ARHGEF33: variants seen among roughly 807,000 people sequenced by gnomAD.
ARHGEF33 encodes DH and coiled-coil domain-containing protein ENSP00000381780.
ARHGEF33 carries 72 observed loss-of-function variants against 101.9 expected under a neutral mutation model. That is an observed-to-expected ratio of 0.71 (90% CI 0.58 to 0.86). The LOEUF (loss-of-function observed/expected upper bound fraction) is 0.86. Ranked by LOEUF, ARHGEF33 falls within the 40% of genes least tolerant of loss-of-function variation. ARHGEF33 has a pLI of 0.00. For synonymous variants in ARHGEF33, 499 were observed against 442.5 expected, an observed-to-expected ratio of 1.13 and a Z score of -1.60; for missense variants, 1,169 against 1,111.3, an observed-to-expected ratio of 1.05 and a Z score of -0.74.
At chr2:38,890,516 G>A (rs1053952722) in intron 1 of ARHGEF33, among the ~76,000 whole-genome samples, 2 of 152,260 alleles carry the variant, frequency 1.3e-5, no homozygotes, top group East Asian at 1.9e-4. Context: ...TTACATGGGG[G>A]CTTTATTGGT....
intron 4 of ARHGEF33, among the ~76,000 whole-genome samples, chr2:38,927,908 C>T (rs780096904): frequency 8.5e-5 from 13 of 152,112 alleles, no homozygotes; most frequent in African/African-American, 2.7e-4. Flanking sequence ...ATAAATACAA[C>T]GAACTTTAGA....
intron 9 of ARHGEF33, 108 bp downstream of exon 9, chr2:38,937,667 G>T (rs1162998405): frequency 8.8e-6 from 6 of 684,256 alleles, no homozygotes; most frequent in Non-Finnish European, 1.3e-5. Context: ...GGACACATGA[G>T]GCCACCTAGT....
At chr2:38,956,754 A>T in intron 13 of ARHGEF33, 145 bp from the exon 14 acceptor site, 2 of 989,058 alleles carry the variant, frequency 2.0e-6, no homozygotes, top group Non-Finnish European at 2.9e-6. Context: ...TTCAGCGTAT[A>T]ATTAGATGGG....
chr2:38,902,990 A>G (rs1201562073), intron 2 of ARHGEF33, among the ~76,000 whole-genome samples: 1 of 152,120 alleles, frequency 6.6e-6, no homozygotes, highest in Non-Finnish European at 1.5e-5. Context: ...GTAGTAGGAT[A>G]TTGTAAATTT....
At chr2:38,949,082 G>A (rs1322493685) in intron 10 of ARHGEF33, among the ~76,000 whole-genome samples, 3 of 152,048 alleles carry the variant, frequency 2.0e-5, no homozygotes, top group Non-Finnish European at 4.4e-5. Context: ...CCCTATTCTC[G>A]TGTTTGTGTG....
chr2:38,969,945 C>G (rs1668129437), intron 17 of ARHGEF33, among the ~76,000 whole-genome samples: 1 of 152,186 alleles, frequency 6.6e-6, no homozygotes, highest in South Asian at 2.1e-4. Flanking sequence ...GATACTTCAT[C>G]TTAATATATA....
At position 38,937,410 on chromosome 2, in the gene ARHGEF33, A is replaced by G; in HGVS notation, c.641A>G (p.His214Arg). 1 of 1,522,528 alleles carries G rather than the reference A, an allele frequency of 6.6e-7. No individual in the cohort carries two copies. The highest frequency in any genetic ancestry group is 1.2e-5 in the South Asian group (1 of 83,458). The allele number at this position is 1,522,528 out of a possible 1,614,324, so 94.3% of individuals were successfully genotyped here. A position where few individuals can be genotyped will look rare whatever the true frequency, so the allele number is the denominator to read the frequency against. The part of the protein sequence containing the change: ...CLSADIQSKG[H>R]LPSGMWRQPK... ...TCGGCTGATATCCAGTCCAAGGGCC[A>G]TCTCCCATCTGGCATGTGGAGGCAG... Residue 214 changes from histidine (H) to arginine (R), a missense_variant, in exon 9 of 18, where the codon CAT becomes CGT. Coordinates refer to ENST00000409978, the MANE Select transcript of ARHGEF33 (RefSeq NM_001145451.5).
At chr2:38,946,608 CCT>C (rs1558438227) in intron 10 of ARHGEF33, among the ~76,000 whole-genome samples, 3 of 151,458 alleles carry the variant, frequency 2.0e-5, no homozygotes, top group Non-Finnish European at 4.4e-5. Flanking sequence ...TTTCCTGAAA[CCT>C]CTGTGTGTAC....
chr2:38,937,488 A>T lies in ARHGEF33; in HGVS notation c.719A>T (p.Asp240Val), dbSNP rs1205297220. Residue 240 changes from aspartate to valine, a missense_variant, in exon 9 of 18, where the codon GAT (aspartate) becomes GTT (valine). By Grantham distance (152) the Asp-to-Val change is radical. Coordinates refer to ENST00000409978, the MANE Select transcript of ARHGEF33 (RefSeq NM_001145451.5). ...GAATACGTCACAAAAGACCACCCAG[A>T]TAAACTCAAGGAGGCTGGCCAGGGT... is the stretch of plus-strand genomic sequence containing the variant. ...GEEYVTKDHP[D>V]KLKEAGQGRH... The T allele has an allele frequency of 3.9e-6, 6 of 1,551,242 alleles. No homozygotes were observed. The highest frequency in any genetic ancestry group is 8.7e-7 in the Non-Finnish European group (1 of 1,146,738).
At chr2:38,959,740 C>G in intron 15 of ARHGEF33, 101 bp from the exon 16 acceptor site, 11 of 1,303,142 alleles carry the variant, frequency 8.4e-6, no homozygotes, top group Non-Finnish European at 1.1e-5. Flanking sequence ...GTGGCATGCA[C>G]AGGCGCCTCG....
chr2:38,950,449 T>TTTTATTTATTTATTTA (rs1023182618), intron 10 of ARHGEF33, among the ~76,000 whole-genome samples: 111 of 152,304 alleles, frequency 7.3e-4, no homozygotes, highest in African/African-American at 2.6e-3. Flanking sequence ...TTTATTTGTA[T>TTTTATTTATTTATTTA]TTTATTTATT....
Position 38,954,378 on chromosome 2 carries a change from T to C in ARHGEF33, c.1143T>C (p.Asp381=), listed in dbSNP as rs762981064. The change falls in exon 13 of 18, where the codon GAT becomes GAC. Residue 381 remains aspartate, a synonymous_variant. Coordinates refer to ENST00000409978, the MANE Select transcript of ARHGEF33 (RefSeq NM_001145451.5). ...TTGACCTTTCTTTCATTCAGGGTGA[T>C]GAAGAGATTAAATCTGACATCTACA... ...LVHVVVLKEG[D]EEIKSDIYTL... The C allele has an allele frequency of 2.6e-6, 4 of 1,543,332 alleles. No homozygotes were observed. In the South Asian group the frequency reaches 4.8e-5, roughly 18 times the overall value.
intron 9 of ARHGEF33, among the ~76,000 whole-genome samples, chr2:38,940,472 A>G (rs1667275414): frequency 6.7e-6 from 1 of 148,990 alleles, no homozygotes; most frequent in South Asian, 2.1e-4. Context: ...CCGTCATCCT[A>G]TTCTGCTTTG....
intron 2 of ARHGEF33, among the ~76,000 whole-genome samples, chr2:38,907,368 C>T (rs1277882200): frequency 6.6e-6 from 1 of 152,124 alleles, no homozygotes; most frequent in Non-Finnish European, 1.5e-5. Flanking sequence ...CTCTTTTTCT[C>T]CTTTCTAGCT....
At chr2:38,901,851 C>T (rs537838930) in intron 2 of ARHGEF33, among the ~76,000 whole-genome samples, 2 of 152,288 alleles carry the variant, frequency 1.3e-5, no homozygotes, top group South Asian at 4.1e-4. Flanking sequence ...CACGGTGGCT[C>T]ACGCCTGTAA....
At chr2:38,943,731 TCTG>T (rs1232779804) in intron 9 of ARHGEF33, among the ~76,000 whole-genome samples, 167 bp from the exon 10 acceptor site, 1 of 152,258 alleles carries the variant, frequency 6.6e-6, no homozygotes, top group Non-Finnish European at 1.5e-5. Flanking sequence ...TGCCCTTTGC[TCTG>T]CTGAATGAAT....
intron 17 of ARHGEF33, among the ~76,000 whole-genome samples, chr2:38,972,352 G>A (rs552438528): frequency 2.0e-5 from 3 of 152,238 alleles, no homozygotes; most frequent in East Asian, 3.9e-4. Flanking sequence ...GAACTCGGGG[G>A]GGTTCCTGAA....
chr2:38,966,220 A>G, intron 17 of ARHGEF33, 75 bp downstream of exon 17: 1 of 1,493,080 alleles, frequency 6.7e-7, no homozygotes, highest in South Asian at 1.3e-5. Flanking sequence ...TAACAATAAT[A>G]AGTATCAAGT....
intron 9 of ARHGEF33, 101 bp downstream of exon 9, chr2:38,937,660 C>A: frequency 1.4e-6 from 1 of 699,944 alleles, no homozygotes; most frequent in South Asian, 1.9e-5. Context: ...ATTCAGTGGA[C>A]ACATGAGGCC....
Sources: gnomAD v4.1 joint callset for allele counts (sites outside exome capture counted in the v4.1 genomes callset) on GRCh38, gnomAD v4.1.1 for gene constraint, MANE v1.5 for transcripts, NCBI Gene and HGNC (gene_info 2026-07-23, HGNC 2026-07-21) for gene names.